The following FHL1 variants were observed in gnomAD, a reference collection of about 807,000 sequenced individuals.
The protein encoded by FHL1 is four and a half LIM domains protein 1.
FHL1 carries 1 observed loss-of-function variant against 20.3 expected under a neutral mutation model. The ratio of observed to expected loss-of-function variants is 0.05; its 90% CI spans 0.02 to 0.23. The LOEUF (loss-of-function observed/expected upper bound fraction) is 0.23. Ranked by LOEUF, FHL1 falls within the 10% of genes least tolerant of loss-of-function variation. The pLI is 1.00. For synonymous variants in FHL1, 82 were observed against 88.9 expected (o/e 0.92, Z 0.44); for missense variants, 177 against 234.0 (o/e 0.76, Z 1.59).
At chrX:136,163,012 G>A (rs1202462511) in intron 1 of FHL1, among the ~76,000 whole-genome samples, 2 of 112,286 alleles carry the variant, frequency 1.8e-5, no homozygotes, top group Admixed American at 9.4e-5. Flanking sequence ...GGGGAGGAAC[G>A]CCCTGCCCTC....
intron 1 of FHL1, among the ~76,000 whole-genome samples, chrX:136,149,065 T>A (rs1365828585): frequency 8.9e-6 from 1 of 112,607 alleles, no homozygotes; most frequent in Non-Finnish European, 1.9e-5. Context: ...CTCTGGGTTA[T>A]CAAGTCTATG....
chrX:136,196,756 C>G (rs779321646), upstream of FHL1: 3 of 1,112,120 alleles, frequency 2.7e-6, no homozygotes, highest in African/African-American at 5.5e-5. Flanking sequence ...GTTGGCTCAG[C>G]GTTAAGCTAT....
rs184452156 is a variant in FHL1 at position 136,203,602 on chromosome X, A to G, written c.23-2805A>G. Among the ~76,000 whole-genome samples the G allele has an allele frequency of 2.4e-3, 267 of 112,192 alleles. 2 individuals carry two copies. The highest frequency in any genetic ancestry group is 8.2e-3 in the African/African-American group (253 of 30,899). ...TATCTTCACTGGTGAGCTGTGGATT[A>G]TTTTATCATCTGGATGCTTAGAACT... On this transcript the variant is annotated intron_variant, in intron 1 of 5. Coordinates refer to ENST00000370683, the MANE Select transcript of FHL1 (RefSeq NM_001159699.2).
chrX:136,159,502 A>G (rs922849360), intron 1 of FHL1, among the ~76,000 whole-genome samples: 2 of 112,261 alleles, frequency 1.8e-5, no homozygotes, highest in African/African-American at 6.5e-5. Context: ...AGATCACGCC[A>G]CTGTACTCCA....
chrX:136,167,731 T>C (rs2072751111), upstream of FHL1: 1 of 111,571 alleles, frequency 9.0e-6, no homozygotes, highest in African/African-American at 3.3e-5. Context: ...GACAGAGAGA[T>C]GGCAGGGAAG....
chrX:136,208,019 G>T lies in FHL1; in HGVS notation c.549+58G>T, dbSNP rs977474606. On this transcript the variant is annotated intron_variant, in intron 4 of 5. Coordinates refer to ENST00000370683, the MANE Select transcript of FHL1 (RefSeq NM_001159699.2). Reference sequence around the variant, plus strand: ...TGTTTCTAGAAGTGTTTGACAGTTTGCAGAGCACTTCCACACACACTATCC... The same window carrying T: ...TGTTTCTAGAAGTGTTTGACAGTTTTCAGAGCACTTCCACACACACTATCC... 3.5e-5 allele frequency: 40 copies of T among 1,139,748 alleles called. No homozygotes were observed. The South Asian group carries it at 7.2e-4, about 21-fold the overall frequency. 93.9% of individuals were successfully genotyped at this position (1,139,748 alleles called of 1,213,427 possible). A position where few individuals can be genotyped will look rare whatever the true frequency, so the allele number is the denominator to read the frequency against.
upstream of FHL1, among the ~76,000 whole-genome samples, chrX:136,164,954 T>G (rs889441305): frequency 4.5e-5 from 5 of 112,204 alleles, no homozygotes; most frequent in Non-Finnish European, 3.8e-5. Flanking sequence ...CTTTTAAAAA[T>G]ATAACCCATC....
upstream of FHL1, chrX:136,147,127 G>C (rs1255198943): frequency 4.7e-6 from 1 of 211,945 alleles, no homozygotes; most frequent in Non-Finnish European, 8.9e-6. Context: ...GGCCTCTAAG[G>C]ACCGCTGCGC....
chrX:136,152,228 C>T (rs1203773607), intron 1 of FHL1, among the ~76,000 whole-genome samples: 1 of 111,930 alleles, frequency 8.9e-6, no homozygotes, highest in Admixed American at 9.5e-5. Flanking sequence ...CAGAGCAACT[C>T]TGCAGTTATG....
chrX:136,173,978 G>C (rs2072939011), intron 2 of FHL1, among the ~76,000 whole-genome samples: 1 of 111,835 alleles, frequency 8.9e-6, no homozygotes, highest in South Asian at 3.8e-4. Flanking sequence ...GATTACAGGC[G>C]TGAGCCCCCG....
rs990912995 is a variant in FHL1, at chrX:136,206,947, T to A, written c.205-69T>A. On this transcript the variant is annotated intron_variant, in intron 2 of 5. Coordinates refer to ENST00000370683, the MANE Select transcript of FHL1 (RefSeq NM_001159699.2). The stretch of plus-strand genomic sequence containing the variant: ...TGGTCAGTCCCAGGGAAATCAGCCT[T>A]ATGGGAGGGCTCCTGCCACCACCCC... 2.6e-6 allele frequency: 3 copies of A among 1,136,767 alleles called. No homozygotes were observed. In the Admixed American group the frequency reaches 6.6e-5, roughly 25 times the overall value. The allele number at this position is 1,136,767 out of a possible 1,213,427, so 93.7% of individuals were successfully genotyped here. A position where few individuals can be genotyped will look rare whatever the true frequency, so the allele number is the denominator to read the frequency against.
In FHL1 at chrX:136,207,120, C is replaced by A. The variant is rs372049507; in HGVS notation, c.309C>A (p.Ile103=). The change falls in exon 3 of 6, where the codon ATC becomes ATA. Residue 103 remains isoleucine, a synonymous_variant. Coordinates refer to ENST00000370683, the MANE Select transcript of FHL1 (RefSeq NM_001159699.2). ...NETFVAKDNK[I]LCNKCTTRED... is the part of the protein sequence containing the mutation. ...CCTTTGTGGCCAAGGACAACAAGAT[C>A]CTGTGCAACAAGTGCACCACTCGGG... 4 of 1,211,949 alleles carry A rather than the reference C, an allele frequency of 3.3e-6. No individual in the cohort carries two copies. The highest frequency in any genetic ancestry group is 4.5e-6 in the Non-Finnish European group (4 of 895,463).
chrX:136,189,324 A>G (rs1422828371), intron 2 of FHL1, among the ~76,000 whole-genome samples: 1 of 111,432 alleles, frequency 9.0e-6, no homozygotes, highest in East Asian at 2.8e-4. Context: ...ACCCATGTTG[A>G]GTCCACAGCT....
intron 1 of FHL1, among the ~76,000 whole-genome samples, chrX:136,157,763 A>G (rs2072460594): frequency 8.9e-6 from 1 of 111,996 alleles, no homozygotes; most frequent in African/African-American, 3.2e-5. Context: ...TGTCTTCTCT[A>G]TGTTTAAAAT....
At position 136,155,145 on chromosome X, in the gene FHL1, T is replaced by C. The variant is rs146826778; in HGVS notation, c.-101+7517T>C. 7.7e-3 allele frequency among the ~76,000 whole-genome samples: 863 copies of C among 112,176 alleles called. 7 individuals carry two copies. The highest frequency in any genetic ancestry group is 0.026 in the African/African-American group (802 of 30,891). Reference sequence around the variant, plus strand: ...ACTCTCAGGGTGACTCTTTTTTCAGTCCACCTGACTGCACTCACTTTCCTT... The same window carrying C: ...ACTCTCAGGGTGACTCTTTTTTCAGCCCACCTGACTGCACTCACTTTCCTT... On this transcript the variant is annotated intron_variant, in intron 1 of 7. Transcript: ENST00000394155.
intron 2 of FHL1, 112 bp from the exon 3 acceptor site, chrX:136,206,904 G>A (rs965134992): frequency 1.2e-4 from 100 of 852,403 alleles, no homozygotes; most frequent in Admixed American, 5.1e-4. Flanking sequence ...CCAGGTGTAA[G>A]GGACTGTGTC....
rs760179417 is a variant in FHL1, at chrX:136,206,334, G to T, written c.23-73G>T. The T allele has an allele frequency of 2.3e-4, 265 of 1,153,034 alleles. 2 individuals are homozygous for T. Among genetic ancestry groups the T allele is most frequent in the Admixed American group, 1.2e-3 (54 of 45,858 alleles). ...GACTCCAAGGCAGCATTGTGCAGGT[G>T]CCTCTGGGAGCCACTGCTCAGGGTG... On this transcript the variant is annotated intron_variant, in intron 1 of 5. Transcript: ENST00000370683.
chrX:136,148,485 T>C (rs1440828513), intron 1 of FHL1: 1 of 109,479 alleles, frequency 9.1e-6, no homozygotes. Flanking sequence ...GGTTGAGCCT[T>C]AGAAGGTGGG....
chrX:136,149,764 A>G (rs2148255505), intron 1 of FHL1, among the ~76,000 whole-genome samples: 1 of 111,790 alleles, frequency 8.9e-6, no homozygotes, highest in Admixed American at 9.5e-5. Context: ...AAATGAATCG[A>G]CCGCTAAAAC....
Sources: gnomAD v4.1 joint callset for allele counts (sites outside exome capture counted in the v4.1 genomes callset) on GRCh38, gnomAD v4.1.1 for gene constraint, MANE v1.5 for transcripts, NCBI Gene and HGNC (gene_info 2026-07-23, HGNC 2026-07-21) for gene names.